The following DGKA variants were observed in gnomAD, a reference collection of about 807,000 sequenced individuals.
DGKA encodes diacylglycerol kinase alpha.
In DGKA, 35 loss-of-function variants were observed where a neutral mutation model predicts 105.0. That is an observed-to-expected ratio of 0.33 (90% confidence interval 0.25 to 0.44). The LOEUF (loss-of-function observed/expected upper bound fraction) is 0.44. DGKA is among the 20% of genes least tolerant of loss of function. The probability of loss-of-function intolerance (pLI) is 1.00; values close to 1 mark genes in which losing one functional copy is unlikely to be tolerated. For synonymous variants in DGKA, 296 were observed against 332.0 expected (o/e 0.89, Z 1.18); for missense variants, 665 against 915.0 (o/e 0.73, Z 3.53).
rs767693899 is a variant in DGKA at position 55,936,565 on chromosome 12, A to G, written c.62A>G (p.Glu21Gly). ...TTTGCCCAGCTGCAAAAATACATGG[A>G]ATGTGAGTCTTCCTGTCAGGCCTTC... ...SDFAQLQKYM[E>G]YSTKKVSDVL... Residue 21 changes from glutamate (E) to glycine (G), a missense_variant and splice_region_variant, in exon 2 of 24, where the codon GAA becomes GGA. Glu to Gly is a moderately conservative substitution (Grantham distance 98). Coordinates refer to ENST00000331886, the MANE Select transcript of DGKA (RefSeq NM_001345.5). 1.2e-6 allele frequency: 2 copies of G among 1,614,050 alleles called. No homozygotes were observed. The highest frequency in any genetic ancestry group is 1.7e-6 in the Non-Finnish European group (2 of 1,180,036).
Position 55,932,324 on chromosome 12 carries a change from A to G in DGKA, c.-82+980A>G. 1 of 563,762 alleles carries G rather than the reference A, an allele frequency of 1.8e-6. No homozygotes were observed. Among genetic ancestry groups the G allele is most frequent in the Non-Finnish European group, 3.2e-6 (1 of 314,338 alleles). 34.9% of individuals were successfully genotyped at this position (563,762 alleles called of 1,614,324 possible). A position where few individuals can be genotyped will look rare whatever the true frequency, so the allele number is the denominator to read the frequency against. On this transcript the variant is annotated intron_variant, in intron 1 of 23. Coordinates refer to ENST00000331886, the MANE Select transcript of DGKA (RefSeq NM_001345.5). This position sits in a 1 kb window ranked among gnomAD's most constrained non-coding sequence, Gnocchi z 4.3. Reference sequence around the variant, plus strand: ...GGGCTGGGCCCGAACCCGGTGGGTAACGTTTCCCAGACCTTCCCCTCCATC... The same window carrying G: ...GGGCTGGGCCCGAACCCGGTGGGTAGCGTTTCCCAGACCTTCCCCTCCATC...
chr12:55,941,698 A>C, intron 15 of DGKA, 114 bp downstream of exon 15: 2 of 1,109,006 alleles, frequency 1.8e-6, no homozygotes, highest in Non-Finnish European at 2.7e-6. Context: ...GAGATCCCCA[A>C]GAGGCCAGAA....
At chr12:55,936,026 A>AT (rs1274014650) in intron 1 of DGKA, 3 of 991,788 alleles carry the variant, frequency 3.0e-6, no homozygotes, top group Non-Finnish European at 3.6e-6. Flanking sequence ...AGAGCTCAGG[A>AT]TGGGGAGAGT....
chr12:55,938,698 A>T, intron 6 of DGKA, 138 bp downstream of exon 6: 4 of 1,581,082 alleles, frequency 2.5e-6, no homozygotes, highest in Non-Finnish European at 3.4e-6. Flanking sequence ...TAAATTTGAA[A>T]GTAAGTCCCA....
intron 1 of DGKA, among the ~76,000 whole-genome samples, chr12:55,934,904 G>C (rs933485204): frequency 1.3e-5 from 2 of 152,182 alleles, no homozygotes; most frequent in African/African-American, 2.4e-5. Context: ...AGAACAGTAA[G>C]ACTCATTGCT....
chr12:55,949,021 C>CAA, intron 17 of DGKA, among the ~76,000 whole-genome samples: 1 of 135,736 alleles, frequency 7.4e-6, no homozygotes, highest in African/African-American at 2.7e-5. Context: ...GACTCCATCT[C>CAA]AAAAAAAAAA....
chr12:55,937,880 C>A (rs1435625131), intron 4 of DGKA, 98 bp from the exon 5 acceptor site: 2 of 1,137,376 alleles, frequency 1.8e-6, no homozygotes, highest in Non-Finnish European at 2.6e-6. Context: ...ATCAGTAAAT[C>A]TTTTTTTTAA....
Position 55,952,242 on chromosome 12 carries a change from A to G in DGKA, c.1653-99A>G. The G allele has an allele frequency of 1.3e-6, 2 of 1,497,304 alleles. No homozygotes were observed. Among genetic ancestry groups the G allele is most frequent in the Non-Finnish European group, 9.3e-7 (1 of 1,074,988 alleles). The allele number at this position is 1,497,304 out of a possible 1,614,324, so 92.8% of individuals were successfully genotyped here. A position where few individuals can be genotyped will look rare whatever the true frequency, so the allele number is the denominator to read the frequency against. On this transcript the variant is annotated intron_variant, in intron 19 of 23. Coordinates refer to ENST00000331886, the MANE Select transcript of DGKA (RefSeq NM_001345.5). The surrounding 1 kb of genome is among the most constrained non-coding windows in gnomAD (Gnocchi z 5.1). ...AGCCACCCTTGTTCCCCATGGGACT[A>G]AAGTTAGGAGGTTGATGCCCTTCCC...
At chr12:55,944,335 A>G (rs112833939) in intron 17 of DGKA, among the ~76,000 whole-genome samples, 1,981 of 152,302 alleles carry the variant, frequency 0.013, 25 homozygotes, top group Non-Finnish European at 0.021. Flanking sequence ...ATAGCCAGGC[A>G]TGGTGGCACA....
chr12:55,936,258 C>A lies in DGKA; in HGVS notation c.-81-165C>A. On this transcript the variant is annotated intron_variant, in intron 1 of 23. Coordinates refer to ENST00000331886, the MANE Select transcript of DGKA (RefSeq NM_001345.5). ...CAGACACTGTCAGGGAAGGTAGAGG[C>A]ATAGGGAAGAGGGACACAGGGAAAG... The A allele has an allele frequency of 5.4e-6, 4 of 747,636 alleles. No homozygotes were observed. In the South Asian group the frequency reaches 9.3e-5, roughly 17 times the overall value. 46.3% of individuals were successfully genotyped at this position (747,636 alleles called of 1,614,324 possible).
intron 17 of DGKA, among the ~76,000 whole-genome samples, chr12:55,947,872 C>A (rs934684389): frequency 1.3e-5 from 2 of 152,044 alleles, no homozygotes; most frequent in South Asian, 4.2e-4. Context: ...CTCACTGCAA[C>A]CTCCACCTCC....
intron 17 of DGKA, among the ~76,000 whole-genome samples, chr12:55,944,391 T>C (rs1886608589): frequency 6.6e-6 from 1 of 152,172 alleles, no homozygotes; most frequent in Non-Finnish European, 1.5e-5. Flanking sequence ...TTGCTTCAGC[T>C]GAAAAGATCG....
At chr12:55,951,817 A>AG (rs753397499) in intron 18 of DGKA, 34 bp downstream of exon 18, 38 of 1,603,060 alleles carry the variant, frequency 2.4e-5, no homozygotes, top group East Asian at 1.3e-4. Context: ...GAAGGGAGAA[A>AG]GGGGGGGCCA....
upstream of DGKA, chr12:55,929,376 G>C (rs1883265582): frequency 6.6e-6 from 1 of 152,238 alleles, no homozygotes; most frequent in Non-Finnish European, 1.5e-5. Context: ...GGTCTCTGCA[G>C]CTTTCAGAGG....
intron 7 of DGKA, 39 bp downstream of exon 7, chr12:55,939,028 C>T (rs2136319424): frequency 1.2e-6 from 2 of 1,613,378 alleles, no homozygotes; most frequent in South Asian, 2.2e-5. Context: ...CTTGTACCTT[C>T]TTCCCTGGTG....
chr12:55,928,039 A>G, upstream of DGKA: 1 of 499,262 alleles, frequency 2.0e-6, no homozygotes, highest in Admixed American at 3.6e-5. Context: ...GTGTCACTCC[A>G]TTTGTAGTCC....
chr12:55,940,597 T>A lies in DGKA; in HGVS notation c.919-27T>A. 1.3e-6 allele frequency: 2 copies of A among 1,561,656 alleles called. No homozygotes were observed. The highest frequency in any genetic ancestry group is 1.7e-6 in the Non-Finnish European group (2 of 1,155,638). On this transcript the variant is annotated intron_variant, in intron 11 of 23. Transcript: ENST00000331886. This position sits in a 1 kb window ranked among gnomAD's most constrained non-coding sequence, Gnocchi z 4.3. The stretch of plus-strand genomic sequence containing the variant: ...AGAGGAGACAGGGTTACCTTCGTGA[T>A]CTCTCTGTGCCCACCTCGTCTTTCA...
rs554726683 is a variant in DGKA, at chr12:55,933,002, G to A, written c.-82+1658G>A. On this transcript the variant is annotated intron_variant, in intron 1 of 23. Coordinates refer to ENST00000331886, the MANE Select transcript of DGKA (RefSeq NM_001345.5). ...CATAGCTATTTCCTGAGTAATGGTC[G>A]ACTTAAAGGACTTGGAATGTGAGCA... The A allele has an allele frequency of 2.8e-4, 46 of 166,708 alleles. 1 individual carries two copies. In the South Asian group the frequency reaches 8.1e-3, roughly 30 times the overall value. The allele number at this position is 166,708 out of a possible 1,614,324, so 10.3% of individuals were successfully genotyped here. A position where few individuals can be genotyped will look rare whatever the true frequency, so the allele number is the denominator to read the frequency against.
chr12:55,939,008 C>T lies in DGKA; in HGVS notation c.474+19C>T. 1 of 1,614,118 alleles carries T rather than the reference C, an allele frequency of 6.2e-7. No homozygotes were observed. Among genetic ancestry groups the T allele is most frequent in the Non-Finnish European group, 8.5e-7 (1 of 1,179,956 alleles). ...GAGGCCGGTAAGGCAGCTCTTCCTT[C>T]ATGTCCCTTCTTGTACCTTCTTCCC... On this transcript the variant is annotated intron_variant, in intron 7 of 23. Coordinates refer to ENST00000331886, the MANE Select transcript of DGKA (RefSeq NM_001345.5).
Sources: gnomAD v4.1 joint callset for allele counts (sites outside exome capture counted in the v4.1 genomes callset) on GRCh38, gnomAD v4.1.1 for gene constraint, Gnocchi (gnomAD v3.1) non-coding constraint, MANE v1.5 for transcripts, NCBI Gene and HGNC (gene_info 2026-07-23, HGNC 2026-07-21) for gene names.